The following BAAT variants were observed in gnomAD, a reference collection of about 807,000 sequenced individuals.
The protein encoded by BAAT is bile acid CoA: amino acid N-acyltransferase (glycine N-choloyltransferase).
In BAAT, 13 loss-of-function variants were observed where a neutral mutation model predicts 18.9. The observed-to-expected ratio is 0.69, with a 90% CI of 0.45 to 1.10. The LOEUF (loss-of-function observed/expected upper bound fraction) is 1.10. BAAT is among the 50% of genes least tolerant of loss of function. The pLI is 0.00. For missense variants in BAAT, 489 were observed against 504.0 expected, an observed-to-expected ratio of 0.97 and a Z score of 0.28; for synonymous variants, 170 against 190.7, an observed-to-expected ratio of 0.89 and a Z score of 0.89.
chr9:101,371,070 A>G lies in BAAT; in HGVS notation c.335T>C (p.Leu112Ser), dbSNP rs1829931341. Reference sequence around the variant, plus strand: ...ACTGGCAACTTTATTGTTCACTATTAACTCTAAGTCATAAAGTTTTACTTG... The same window carrying G: ...ACTGGCAACTTTATTGTTCACTATTGACTCTAAGTCATAAAGTTTTACTTG... ...QVQVKLYDLELIVNNKVASAP... is the reference protein window; with the variant it reads ...QVQVKLYDLESIVNNKVASAP... The change falls in exon 2 of 4, where the codon TTA (leucine) becomes TCA (serine). Residue 112 changes from leucine to serine, a missense_variant. Coordinates refer to ENST00000259407, the MANE Select transcript of BAAT (RefSeq NM_001701.4). 11 of 1,613,954 alleles carry G rather than the reference A, an allele frequency of 6.8e-6. No homozygotes were observed. The highest frequency in any genetic ancestry group is 9.3e-6 in the Non-Finnish European group (11 of 1,180,014).
rs1014319865 is a variant in BAAT, at chr9:101,373,972, T to C, written c.-59-2509A>G. Among the ~76,000 whole-genome samples, 6 of 152,372 alleles carry C rather than the reference T, an allele frequency of 3.9e-5. No individual in the cohort carries two copies. The East Asian group carries it at 1.2e-3, about 29-fold the overall frequency. On this transcript the variant is annotated intron_variant, in intron 1 of 3. Coordinates refer to ENST00000259407, the MANE Select transcript of BAAT (RefSeq NM_001701.4). ...AAGTATATTTTTGGTTTTGGAGCTATAAATTAATTTAGCAAGCTTCAAAGC... is the reference window on the plus strand; with the variant it reads ...AAGTATATTTTTGGTTTTGGAGCTACAAATTAATTTAGCAAGCTTCAAAGC...
At chr9:101,383,288 T>C (rs941424844) in intron 1 of BAAT, among the ~76,000 whole-genome samples, 1 of 152,196 alleles carries the variant, frequency 6.6e-6, no homozygotes, top group Non-Finnish European at 1.5e-5. Context: ...GACACACTTA[T>C]CTGAGCACTC....
chr9:101,371,064 A>G lies in BAAT; in HGVS notation c.341T>C (p.Val114Ala), dbSNP rs143561437. The change falls in exon 2 of 4, where the codon GTG becomes GCG. Residue 114 changes from valine (V) to alanine (A), a missense_variant. Coordinates refer to ENST00000259407, the MANE Select transcript of BAAT (RefSeq NM_001701.4). ...QVKLYDLELI[V>A]NNKVASAPKA... ...TGGAGCACTGGCAACTTTATTGTTCACTATTAACTCTAAGTCATAAAGTTT... is the reference window on the plus strand; with the variant it reads ...TGGAGCACTGGCAACTTTATTGTTCGCTATTAACTCTAAGTCATAAAGTTT... 1 of 1,614,078 alleles carries G rather than the reference A, an allele frequency of 6.2e-7. No homozygotes were observed. The highest frequency in any genetic ancestry group is 8.5e-7 in the Non-Finnish European group (1 of 1,179,990).
At chr9:101,384,055 G>A (rs934658085) in intron 1 of BAAT, among the ~76,000 whole-genome samples, 4 of 152,092 alleles carry the variant, frequency 2.6e-5, no homozygotes, top group African/African-American at 9.7e-5. Flanking sequence ...ACAATAAAAG[G>A]ACTATCTCCA....
intron 1 of BAAT, among the ~76,000 whole-genome samples, chr9:101,382,694 G>A (rs975648157): frequency 8.5e-5 from 13 of 152,128 alleles, no homozygotes; most frequent in African/African-American, 3.1e-4. Context: ...TTTCGAGGAG[G>A]CAAGAAATGA....
At chr9:101,382,504 T>C (rs1377468394) in intron 1 of BAAT, among the ~76,000 whole-genome samples, 1 of 152,186 alleles carries the variant, frequency 6.6e-6, no homozygotes, top group Non-Finnish European at 1.5e-5. Context: ...TAGGCCAGCA[T>C]ATAAAATCCT....
chr9:101,384,877 A>G lies in BAAT; in HGVS notation c.-82T>C, dbSNP rs1306724527. Among the ~76,000 whole-genome samples, 1 of 152,124 alleles carries G rather than the reference A, an allele frequency of 6.6e-6. No individual in the cohort carries two copies. The highest frequency in any genetic ancestry group is 1.5e-5 in the Non-Finnish European group (1 of 68,028). ...TACCTAGCAAGAGAACCTGCCCCCA[A>G]AATTTCAGCGTAGGTTCTATTTTCC... On this transcript the variant is annotated 5_prime_UTR_variant, in exon 1 of 4. Coordinates refer to ENST00000259407, the MANE Select transcript of BAAT (RefSeq NM_001701.4).
intron 1 of BAAT, chr9:101,383,655 C>T (rs1830163335): frequency 6.6e-6 from 1 of 152,140 alleles, no homozygotes; most frequent in Admixed American, 6.5e-5. Context: ...AGTTATTGAA[C>T]CCAATAAATG....
At chr9:101,367,115 A>G (rs1829843106) in intron 3 of BAAT, among the ~76,000 whole-genome samples, 1 of 110,098 alleles carries the variant, frequency 9.1e-6, no homozygotes, top group South Asian at 2.6e-4. Flanking sequence ...TGTCAAAAAA[A>G]GAAAAAAAAA....
chr9:101,370,990 G>A lies in BAAT; in HGVS notation c.415C>T (p.Arg139Ter), dbSNP rs762646933. The change falls in exon 2 of 4, where the codon CGA (arginine) becomes TGA (stop). Residue 139 changes from arginine (R) to a stop codon, truncating the protein, a stop_gained. Coordinates refer to ENST00000259407, the MANE Select transcript of BAAT (RefSeq NM_001701.4). LOFTEE classifies it high-confidence loss of function. ...AGGCGGCCTTCTCGAACCTTAATTC[G>A]TGTGACACCAGGTGCCACATACCAC... ...ERWYVAPGVT[R>*]IKVREGRLRG... The A allele has an allele frequency of 1.8e-5, 29 of 1,613,970 alleles. No individual in the cohort carries two copies. Among genetic ancestry groups the A allele is most frequent in the South Asian group, 7.7e-5 (7 of 91,082 alleles).
chr9:101,377,819 C>T (rs1199275702), intron 1 of BAAT, among the ~76,000 whole-genome samples: 1 of 152,158 alleles, frequency 6.6e-6, no homozygotes, highest in Non-Finnish European at 1.5e-5. Context: ...CAAATTGTCT[C>T]TGTTTGCAGA....
intron 2 of BAAT, among the ~76,000 whole-genome samples, chr9:101,369,211 C>G (rs1829883409): frequency 6.6e-6 from 1 of 152,070 alleles, no homozygotes; most frequent in Non-Finnish European, 1.5e-5. Flanking sequence ...TGATCCCATC[C>G]ATATTTGAAA....
rs1829867970 is a variant in BAAT, at chr9:101,368,247, A to G, written c.542T>C (p.Leu181Pro). ...GGLLEFRASL[L>P]ASRGFASLAL... ...CAAGGAGGCGAAGCCACGACTGGCT[A>G]GGAGGCTGGCCCGAAATTCAAGCAG... The change falls in exon 3 of 4, where the codon CTA becomes CCA. Residue 181 changes from leucine (L) to proline (P), a missense_variant. Physicochemically the swap from Leu to Pro is moderately conservative, Grantham distance 98. Coordinates refer to ENST00000259407, the MANE Select transcript of BAAT (RefSeq NM_001701.4). The G allele has an allele frequency of 1.2e-6, 2 of 1,613,758 alleles. No homozygotes were observed. The highest frequency in any genetic ancestry group is 1.7e-6 in the Non-Finnish European group (2 of 1,179,996).
intron 3 of BAAT, among the ~76,000 whole-genome samples, chr9:101,364,157 AG>A (rs1413718931): frequency 6.6e-6 from 1 of 152,230 alleles, no homozygotes; most frequent in African/African-American, 2.4e-5. Context: ...CAATATATCC[AG>A]CCCCAAGGGA....
At chr9:101,381,391 G>C (rs893608845) in intron 1 of BAAT, among the ~76,000 whole-genome samples, 1 of 151,994 alleles carries the variant, frequency 6.6e-6, no homozygotes, top group African/African-American at 2.4e-5. Context: ...GGGTGTGGTG[G>C]GGCAAACTTG....
chr9:101,379,807 TTTG>T (rs991203198), intron 1 of BAAT, among the ~76,000 whole-genome samples: 16 of 152,318 alleles, frequency 1.1e-4, no homozygotes, highest in Non-Finnish European at 1.2e-4. Flanking sequence ...TAGGTTCTTT[TTTG>T]TTGTTGTTGT....
intron 1 of BAAT, among the ~76,000 whole-genome samples, chr9:101,372,260 C>T (rs1002418409): frequency 6.7e-6 from 1 of 149,856 alleles, no homozygotes; most frequent in Admixed American, 6.7e-5. Flanking sequence ...ATGTAACAAT[C>T]CTGCACATAT....
intron 3 of BAAT, 32 bp downstream of exon 3, chr9:101,368,088 G>A (rs1253084378): frequency 1.3e-6 from 2 of 1,589,180 alleles, no homozygotes; most frequent in Admixed American, 1.7e-5. Context: ...AAAACCCCAG[G>A]GACTCAAACC....
In BAAT at chr9:101,371,002, G is replaced by C. The variant is rs138613717; in HGVS notation, c.403C>G (p.Pro135Ala). The change falls in exon 2 of 4, where the codon CCT (proline) becomes GCT (alanine). Residue 135 changes from proline (P) to alanine (A), a missense_variant. Physicochemically the swap from Pro to Ala is conservative, Grantham distance 27 (BLOSUM62 -1). Coordinates refer to ENST00000259407, the MANE Select transcript of BAAT (RefSeq NM_001701.4). ...CGAACCTTAATTCGTGTGACACCAG[G>C]TGCCACATACCACCTCTCCAAAGTC... ...SLTLERWYVA[P>A]GVTRIKVREG... 7.3e-5 allele frequency: 118 copies of C among 1,614,072 alleles called. No homozygotes were observed. In the African/African-American group the frequency reaches 1.4e-3, roughly 19 times the overall value.
Sources: gnomAD v4.1 joint callset for allele counts (sites outside exome capture counted in the v4.1 genomes callset) on GRCh38, gnomAD v4.1.1 for gene constraint, MANE v1.5 for transcripts, NCBI Gene and HGNC (gene_info 2026-07-23, HGNC 2026-07-21) for gene names.